Variants in NAV2 observed in about 807,000 individuals in gnomAD.
The protein encoded by NAV2 is neuron navigator 2, also known as helicase, APC down-regulated 1.
In NAV2, 54 loss-of-function variants were observed where a neutral mutation model predicts 223.2. That is an observed-to-expected ratio of 0.24 (90% CI 0.19 to 0.30). The LOEUF (loss-of-function observed/expected upper bound fraction) is 0.30, where lower values mean the gene tolerates loss of function less well. NAV2 is among the 10% of genes least tolerant of loss of function. The pLI, the probability that NAV2 is intolerant of heterozygous loss-of-function variation, is 1.00. For missense variants in NAV2, 2,806 were observed against 3,147.5 expected, an observed-to-expected ratio of 0.89 and a Z score of 2.60; for synonymous variants, 1,279 against 1,239.3, an observed-to-expected ratio of 1.03 and a Z score of -0.67.
intron 1 of NAV2, among the ~76,000 whole-genome samples, chr11:19,450,712 T>G (rs542383982): frequency 1.1e-4 from 17 of 152,304 alleles, no homozygotes; most frequent in Admixed American, 3.3e-4. Flanking sequence ...TACAACTTCG[T>G]CATTCACAAC....
intron 1 of NAV2, among the ~76,000 whole-genome samples, chr11:19,776,888 G>A (rs1338795923): frequency 3.3e-4 from 50 of 151,858 alleles, no homozygotes; most frequent in Admixed American, 3.1e-3. Context: ...CCCTTCCCCC[G>A]GCCTCACCCC....
chr11:19,694,438 G>A (rs1172190162), intron 1 of NAV2, among the ~76,000 whole-genome samples: 7 of 152,218 alleles, frequency 4.6e-5, no homozygotes, highest in Admixed American at 6.5e-5. Context: ...GGAAGCCAGG[G>A]GAGGGGAGGG....
intron 1 of NAV2, among the ~76,000 whole-genome samples, chr11:19,561,071 C>T (rs759644480): frequency 2.0e-5 from 3 of 152,200 alleles, no homozygotes; most frequent in Non-Finnish European, 2.9e-5. Flanking sequence ...TCTGAATACA[C>T]CTGGCAAATT....
chr11:19,964,041 A>C (rs1271524619), intron 10 of NAV2, among the ~76,000 whole-genome samples: 1 of 152,134 alleles, frequency 6.6e-6, no homozygotes, highest in Non-Finnish European at 1.5e-5. Context: ...TTACAAGCTC[A>C]GCGCCACCCT....
chr11:19,394,142 A>T (rs925653775), intron 1 of NAV2, among the ~76,000 whole-genome samples: 15 of 152,092 alleles, frequency 9.9e-5, no homozygotes, highest in African/African-American at 3.4e-4. Flanking sequence ...ATTCCCATGG[A>T]TTGCATCATA....
rs749386261 is a variant in NAV2, at chr11:19,939,718, C to A, written c.2091C>A (p.Ser697Arg). The A allele has an allele frequency of 6.2e-7, 1 of 1,614,098 alleles. No individual in the cohort carries two copies. The highest frequency in any genetic ancestry group is 2.2e-5 in the East Asian group (1 of 44,878). The change falls in exon 8 of 38, where the codon AGC (serine) becomes AGA (arginine). Residue 697 changes from serine to arginine, a missense_variant. This residue lies in a region of NAV2 where 1,167 missense variants were observed against 1,180.5 expected (regional missense o/e 0.99). Coordinates refer to ENST00000349880, the MANE Select transcript of NAV2 (RefSeq NM_145117.5). ...VTAESSSTGV[S>R]VEPSHFTKTG... Reference sequence around the variant, plus strand: ...CCGAGTCAAGCTCAACAGGTGTGAGCGTGGAGCCCAGCCACTTCACCAAGA... The same window carrying A: ...CCGAGTCAAGCTCAACAGGTGTGAGAGTGGAGCCCAGCCACTTCACCAAGA...
chr11:19,918,123 A>C (rs2043961980), intron 6 of NAV2, among the ~76,000 whole-genome samples: 1 of 152,242 alleles, frequency 6.6e-6, no homozygotes, highest in Non-Finnish European at 1.5e-5. Context: ...GGGTCCATCA[A>C]GCCCAGTGCA....
chr11:19,962,395 C>G (rs2153409890), intron 10 of NAV2, among the ~76,000 whole-genome samples: 1 of 152,212 alleles, frequency 6.6e-6, no homozygotes, highest in South Asian at 2.1e-4. Flanking sequence ...TGTGGCCCAG[C>G]CAAGTTGACA....
chr11:19,935,864 T>TTTTTGTTTTTTTTG (rs2045833870), intron 7 of NAV2, among the ~76,000 whole-genome samples: 3 of 101,154 alleles, frequency 3.0e-5, no homozygotes, highest in African/African-American at 1.0e-4. Context: ...TTTTTTTTTT[T>TTTTTGTTTTTTTTG]TTTTTTTTTT....
chr11:19,376,932 T>C (rs781100418), intron 1 of NAV2, among the ~76,000 whole-genome samples: 10 of 152,182 alleles, frequency 6.6e-5, no homozygotes, highest in Admixed American at 1.3e-4. Flanking sequence ...CACTTCTATG[T>C]CACTTTTAGT....
At chr11:19,885,129 C>G (rs948483900) in intron 5 of NAV2, among the ~76,000 whole-genome samples, 1 of 152,194 alleles carries the variant, frequency 6.6e-6, no homozygotes, top group African/African-American at 2.4e-5. Flanking sequence ...TTATTGAACG[C>G]ACCAGTTCAA....
At chr11:19,491,358 T>G (rs926144226) in intron 1 of NAV2, among the ~76,000 whole-genome samples, 2 of 152,332 alleles carry the variant, frequency 1.3e-5, no homozygotes, top group South Asian at 4.1e-4. Context: ...AAATCAGTTG[T>G]TTAGTGTACC....
chr11:20,031,459 A>G (rs1051545607), intron 11 of NAV2, among the ~76,000 whole-genome samples: 2 of 152,172 alleles, frequency 1.3e-5, no homozygotes, highest in African/African-American at 2.4e-5. Flanking sequence ...ATCTGGAGTT[A>G]TTTTACAAAC....
intron 3 of NAV2, among the ~76,000 whole-genome samples, chr11:19,846,755 A>C (rs2060834249): frequency 6.6e-6 from 1 of 152,200 alleles, no homozygotes; most frequent in South Asian, 2.1e-4. Flanking sequence ...CAGCATTTGT[A>C]ACCCTCAGTG....
chr11:19,985,541 G>GA (rs201086834), intron 11 of NAV2, among the ~76,000 whole-genome samples: 8 of 94,258 alleles, frequency 8.5e-5, no homozygotes, highest in Admixed American at 2.4e-4. Flanking sequence ...AACCATTTGA[G>GA]AAAAAAAAGT....
At chr11:19,918,110 C>A (rs555575674) in intron 6 of NAV2, among the ~76,000 whole-genome samples, 16 of 152,334 alleles carry the variant, frequency 1.1e-4, no homozygotes, top group African/African-American at 3.6e-4. Flanking sequence ...AGGGAGAGAA[C>A]CTGGGTCCAT....
At chr11:19,660,441 G>T (rs1236036899) in intron 1 of NAV2, among the ~76,000 whole-genome samples, 2 of 152,130 alleles carry the variant, frequency 1.3e-5, no homozygotes, top group Admixed American at 6.5e-5. Context: ...CAGGCAACAA[G>T]AGATGGAGTC....
intron 1 of NAV2, among the ~76,000 whole-genome samples, chr11:19,392,527 G>A (rs964696182): frequency 6.6e-6 from 1 of 152,116 alleles, no homozygotes; most frequent in Non-Finnish European, 1.5e-5. Context: ...GTGTGGCCTG[G>A]CTTTCCTTAC....
intron 1 of NAV2, among the ~76,000 whole-genome samples, chr11:19,590,100 C>G (rs1397064618): frequency 1.3e-5 from 2 of 152,176 alleles, no homozygotes; most frequent in African/African-American, 2.4e-5. Context: ...ATTACTTAAC[C>G]ACTGTGCCGA....
Sources: gnomAD v4.1 joint callset for allele counts (sites outside exome capture counted in the v4.1 genomes callset) on GRCh38, gnomAD v4.1.1 for gene constraint, gnomAD v4.1.1 regional missense constraint, MANE v1.5 for transcripts, NCBI Gene and HGNC (gene_info 2026-07-23, HGNC 2026-07-21) for gene names.